The following STK17A variants were observed in gnomAD, a reference collection of about 807,000 sequenced individuals.
STK17A encodes the protein serine/threonine kinase 17a, also known as serine/threonine-protein kinase 17A.
STK17A carries 26 observed loss-of-function variants against 43.7 expected under a neutral mutation model. The observed-to-expected ratio is 0.60, with a 90% CI of 0.44 to 0.83. The LOEUF is 0.83. Among genes scored for constraint, STK17A ranks in the 40% least tolerant of loss-of-function variants. The pLI is 0.00. For synonymous variants in STK17A, 191 were observed against 182.5 expected (o/e 1.05, Z -0.38); for missense variants, 476 against 511.6 (o/e 0.93, Z 0.67).
chr7:43,624,605 A>G lies in STK17A; in HGVS notation c.1008A>G (p.Ala336=). 1 of 1,614,150 alleles carries G rather than the reference A, an allele frequency of 6.2e-7. No individual in the cohort carries two copies. The highest frequency in any genetic ancestry group is 8.5e-7 in the Non-Finnish European group (1 of 1,180,016). ...AGCCTTCTTTCAGGATGGAAAAGGC[A>G]CTAGAAGAAGCAAATGCCCTCCAAG... ...IQEPSFRMEK[A]LEEANALQEG... is the part of the protein sequence containing the mutation. The change falls in exon 7 of 7, where the codon GCA becomes GCG. Residue 336 remains alanine (A), a synonymous_variant. Coordinates refer to ENST00000319357, the MANE Select transcript of STK17A (RefSeq NM_004760.3).
chr7:43,584,513 G>T (rs186023724), intron 1 of STK17A, among the ~76,000 whole-genome samples: 53 of 152,304 alleles, frequency 3.5e-4, no homozygotes, highest in Admixed American at 9.8e-4. Flanking sequence ...CATTTGTCAT[G>T]GTTGCAAAAT....
At position 43,624,949 on chromosome 7, in the gene STK17A, A is replaced by C; in HGVS notation, c.*107A>C. Reference sequence around the variant, plus strand: ...GTACTGGAAGTGGATAACCAGTATCACTTACACAAACAAAAATAACTTTGT... The same window carrying C: ...GTACTGGAAGTGGATAACCAGTATCCCTTACACAAACAAAAATAACTTTGT... On this transcript the variant is annotated 3_prime_UTR_variant, in exon 7 of 7. Transcript: ENST00000319357. 5 of 991,668 alleles carry C rather than the reference A, an allele frequency of 5.0e-6. No homozygotes were observed. The highest frequency in any genetic ancestry group is 7.1e-6 in the Non-Finnish European group (5 of 703,038). 61.4% of individuals were successfully genotyped at this position (991,668 alleles called of 1,614,324 possible). A position where few individuals can be genotyped will look rare whatever the true frequency, so the allele number is the denominator to read the frequency against.
At chr7:43,592,687 TA>T (rs34551277) in intron 1 of STK17A, among the ~76,000 whole-genome samples, 34,109 of 109,512 alleles carry the variant, frequency 0.31, 4,461 homozygotes, top group East Asian at 0.54. Context: ...CCATCTGTAC[TA>T]AAAAAAAAAA....
chr7:43,607,387 G>A (rs947375424), intron 2 of STK17A, among the ~76,000 whole-genome samples: 1 of 151,952 alleles, frequency 6.6e-6, no homozygotes, highest in Non-Finnish European at 1.5e-5. Context: ...GGTGGCTCAC[G>A]CCTGTAATCC....
intron 6 of STK17A, 97 bp downstream of exon 6, chr7:43,623,985 C>A: frequency 2.4e-6 from 2 of 844,288 alleles, no homozygotes; most frequent in Non-Finnish European, 3.2e-6. Flanking sequence ...CTCCTCCAAC[C>A]AAAAATAGTT....
intron 1 of STK17A, among the ~76,000 whole-genome samples, chr7:43,586,326 G>T (rs2082438894): frequency 1.3e-5 from 2 of 151,526 alleles, no homozygotes; most frequent in African/African-American, 2.4e-5. Flanking sequence ...TGTTCAAAGA[G>T]AATTTTTTAA....
chr7:43,609,208 A>G (rs2082665188), intron 3 of STK17A: 1 of 152,228 alleles, frequency 6.6e-6, no homozygotes, highest in Middle Eastern at 3.2e-3. Context: ...GTAAGATGGT[A>G]ATAAAGTAGG....
At chr7:43,609,884 C>G (rs893796863) in intron 3 of STK17A, among the ~76,000 whole-genome samples, 2 of 152,206 alleles carry the variant, frequency 1.3e-5, no homozygotes, top group Non-Finnish European at 2.9e-5. Context: ...AGTATCCCCT[C>G]TAGCAGAAAG....
intron 1 of STK17A, 143 bp from the exon 2 acceptor site, chr7:43,595,758 A>G: frequency 1.5e-6 from 1 of 668,920 alleles, no homozygotes; most frequent in Non-Finnish European, 2.5e-6. Flanking sequence ...GCCTATATAA[A>G]TTTCTAAGTG....
chr7:43,618,010 A>G (rs988471962), intron 3 of STK17A, among the ~76,000 whole-genome samples: 3 of 152,240 alleles, frequency 2.0e-5, no homozygotes, highest in African/African-American at 7.2e-5. Flanking sequence ...GCATTGAAGA[A>G]TATCACTGGA....
chr7:43,614,115 C>T (rs2083126288), intron 3 of STK17A, among the ~76,000 whole-genome samples: 1 of 152,168 alleles, frequency 6.6e-6, no homozygotes, highest in African/African-American at 2.4e-5. Flanking sequence ...ACACCCTAAG[C>T]CTTATTGAGC....
intron 1 of STK17A, among the ~76,000 whole-genome samples, chr7:43,588,708 T>C (rs1051387561): frequency 2.0e-5 from 3 of 151,322 alleles, no homozygotes; most frequent in African/African-American, 7.3e-5. Context: ...GGCACACACC[T>C]GTAGTCCCAG....
intron 3 of STK17A, among the ~76,000 whole-genome samples, chr7:43,617,214 T>A (rs1002283227): frequency 6.6e-6 from 1 of 152,046 alleles, no homozygotes; most frequent in East Asian, 1.9e-4. Flanking sequence ...ATGCACACCA[T>A]GCGAAGGAGT....
intron 2 of STK17A, among the ~76,000 whole-genome samples, chr7:43,598,552 C>T (rs1256099948): frequency 1.3e-5 from 2 of 151,914 alleles, no homozygotes; most frequent in Non-Finnish European, 2.9e-5. Flanking sequence ...CTGTACACCT[C>T]CATTGATAAC....
At chr7:43,591,914 AAGT>A in intron 1 of STK17A, among the ~76,000 whole-genome samples, 1 of 151,550 alleles carries the variant, frequency 6.6e-6, no homozygotes, top group East Asian at 1.9e-4. Flanking sequence ...GCTATGTAAT[AAGT>A]AGTTTTTTAC....
chr7:43,592,725 G>A (rs112141905), intron 1 of STK17A, among the ~76,000 whole-genome samples: 2 of 151,760 alleles, frequency 1.3e-5, no homozygotes, highest in African/African-American at 4.8e-5. Context: ...AATTAGCTGG[G>A]CATGATGGTA....
At chr7:43,607,647 C>CAAAAAAAAAAAAAAAAAA in intron 2 of STK17A, among the ~76,000 whole-genome samples, 1 of 54,358 alleles carries the variant, frequency 1.8e-5, no homozygotes, top group Non-Finnish European at 3.5e-5. Flanking sequence ...GACTCCGTCT[C>CAAAAAAAAAAAAAAAAAA]AAAAAAAAAA....
At position 43,601,115 on chromosome 7, in the gene STK17A, A is replaced by G. The variant is rs1312821831; in HGVS notation, c.419+5002A>G. Among the ~76,000 whole-genome samples the G allele has an allele frequency of 2.6e-5, 4 of 152,314 alleles. No individual in the cohort carries two copies. In the East Asian group the frequency reaches 7.7e-4, roughly 29 times the overall value. On this transcript the variant is annotated intron_variant, in intron 2 of 6. Transcript: ENST00000319357. ...GTCAAAGATTTAAAATATTAAGTTT[A>G]AAAAAGCATGTTACAAAATAATGTG...
At chr7:43,619,975 GGA>G (rs534338639) in intron 4 of STK17A, among the ~76,000 whole-genome samples, 429 of 152,334 alleles carry the variant, frequency 2.8e-3, no homozygotes, top group African/African-American at 9.8e-3. Context: ...AAAAGGAATA[GGA>G]GAGGATTTTC....
Sources: gnomAD v4.1 joint callset for allele counts (sites outside exome capture counted in the v4.1 genomes callset) on GRCh38, gnomAD v4.1.1 for gene constraint, MANE v1.5 for transcripts, NCBI Gene and HGNC (gene_info 2026-07-23, HGNC 2026-07-21) for gene names.